The following COL28A1 variants were observed in gnomAD, a reference collection of about 807,000 sequenced individuals.
The protein encoded by COL28A1 is collagen alpha-1(XXVIII) chain.
A neutral mutation model predicts 150.2 loss-of-function variants in COL28A1; 161 were observed. That is an observed-to-expected ratio of 1.07 (90% CI 0.94 to 1.22). The LOEUF (loss-of-function observed/expected upper bound fraction) is 1.22. Among genes scored for constraint, COL28A1 ranks in the 50% most tolerant of loss-of-function variants. The pLI is 0.00. For synonymous variants in COL28A1, 552 were observed against 469.7 expected, an observed-to-expected ratio of 1.18 and a Z score of -2.26; for missense variants, 1,617 against 1,388.3, an observed-to-expected ratio of 1.16 and a Z score of -2.62.
intron 23 of COL28A1, 148 bp downstream of exon 23, chr7:7,436,247 G>GT (rs1331946737): frequency 1.4e-5 from 9 of 647,774 alleles, no homozygotes; most frequent in Non-Finnish European, 1.9e-5. Flanking sequence ...GTGATTGCTT[G>GT]TTTTTTTAAA....
chr7:7,523,199 C>T (rs1447303472), intron 4 of COL28A1, among the ~76,000 whole-genome samples: 2 of 148,732 alleles, frequency 1.3e-5, no homozygotes, highest in East Asian at 3.9e-4. Context: ...CTCACTCTGC[C>T]ACCAGGCTGG....
chr7:7,444,411 G>A lies in COL28A1; in HGVS notation c.1581+7C>T. Reference sequence around the variant, plus strand: ...CTACTCCAGTAATACGAAAAACTTGGTGTTACCTTCTTCCCTGCAGCTCCA... The same window carrying A: ...CTACTCCAGTAATACGAAAAACTTGATGTTACCTTCTTCCCTGCAGCTCCA... On this transcript the variant is annotated splice_region_variant and intron_variant, in intron 19 of 34. Transcript: ENST00000399429. The A allele has an allele frequency of 6.2e-7, 1 of 1,613,308 alleles. No homozygotes were observed. The highest frequency in any genetic ancestry group is 8.5e-7 in the Non-Finnish European group (1 of 1,179,646).
chr7:7,452,202 GC>G (rs1786747954), intron 18 of COL28A1, 116 bp downstream of exon 18: 1 of 1,435,680 alleles, frequency 7.0e-7, no homozygotes, highest in South Asian at 1.4e-5. Context: ...AGTAAAAGGA[GC>G]CCATTATGTA....
At chr7:7,348,940 C>G in the COL28A1 span, among the ~76,000 whole-genome samples, 1 of 151,970 alleles carries the variant, frequency 6.6e-6, no homozygotes, top group South Asian at 2.1e-4. Flanking sequence ...GAGATGGCAT[C>G]CCACTATGTT....
At chr7:7,448,932 AT>A (rs1287628393) in intron 18 of COL28A1, among the ~76,000 whole-genome samples, 3 of 152,124 alleles carry the variant, frequency 2.0e-5, no homozygotes, top group African/African-American at 7.2e-5. Flanking sequence ...TTAGCAGATA[AT>A]TGGAAAGCAG....
the COL28A1 span, among the ~76,000 whole-genome samples, chr7:7,343,248 T>C: frequency 0.021 from 3,141 of 152,110 alleles, 44 homozygotes; most frequent in Middle Eastern, 0.065. Context: ...TTGATATCTT[T>C]TATCAGTTCT....
chr7:7,436,552 A>C (rs1029547386), intron 22 of COL28A1, 89 bp from the exon 23 acceptor site: 3 of 811,794 alleles, frequency 3.7e-6, no homozygotes, highest in Non-Finnish European at 6.6e-6. Context: ...CCACTCTGTA[A>C]AGAGCTTAAT....
chr7:7,378,809 T>C (rs1368429856), intron 30 of COL28A1, among the ~76,000 whole-genome samples: 1 of 152,168 alleles, frequency 6.6e-6, no homozygotes, highest in Non-Finnish European at 1.5e-5. Flanking sequence ...GTCATGCAGA[T>C]TAAAGGTGGG....
At chr7:7,410,188 C>A (rs910514293) in intron 27 of COL28A1, among the ~76,000 whole-genome samples, 1 of 152,142 alleles carries the variant, frequency 6.6e-6, no homozygotes, top group Non-Finnish European at 1.5e-5. Context: ...ATGTGTACTA[C>A]CCTACAGAGA....
chr7:7,411,565 TG>T (rs1355927171), intron 27 of COL28A1, among the ~76,000 whole-genome samples: 2 of 152,156 alleles, frequency 1.3e-5, no homozygotes, highest in African/African-American at 4.8e-5. Context: ...GATCCTTTCC[TG>T]CTCATCTCTC....
At chr7:7,344,142 C>A in the COL28A1 span, among the ~76,000 whole-genome samples, 4 of 151,986 alleles carry the variant, frequency 2.6e-5, no homozygotes, top group Non-Finnish European at 5.9e-5. Context: ...ATTATTTAGT[C>A]TACTTGTATT....
chr7:7,375,461 C>T lies in COL28A1; in HGVS notation c.2359G>A (p.Gly787Ser). ...EIIKLITEIC[G>S]CGPKCKETPL... The stretch of plus-strand genomic sequence containing the variant: ...TGTTTTTTCCTTGATCAAATCTTAC[C>T]ACATATTTCTGTAATAAGTTTGATA... Residue 787 changes from glycine to serine, a missense_variant and splice_region_variant, in exon 31 of 35, where the codon GGT (glycine) becomes AGT (serine). Gly to Ser is a moderately conservative substitution (Grantham distance 56). Transcript: ENST00000399429. 6.4e-7 allele frequency: 1 copy of T among 1,573,576 alleles called. No homozygotes were observed. Among genetic ancestry groups the T allele is most frequent in the South Asian group, 1.1e-5 (1 of 87,482 alleles).
chr7:7,490,515 G>A, intron 12 of COL28A1, 63 bp downstream of exon 12: 3 of 777,422 alleles, frequency 3.9e-6, no homozygotes, highest in Non-Finnish European at 6.6e-6. Context: ...TCAAATCATG[G>A]CTCCCCCAGG....
chr7:7,385,414 T>A (rs973238814), intron 27 of COL28A1, among the ~76,000 whole-genome samples: 2 of 152,124 alleles, frequency 1.3e-5, no homozygotes, highest in African/African-American at 2.4e-5. Flanking sequence ...GACAGAACAG[T>A]GTGATAAACA....
intron 3 of COL28A1, 58 bp from the exon 4 acceptor site, chr7:7,524,307 T>C (rs1238236203): frequency 5.2e-5 from 48 of 930,714 alleles, no homozygotes; most frequent in Non-Finnish European, 7.7e-5. Context: ...CTCCAGCTAC[T>C]TATTAGTCAT....
chr7:7,497,713 A>G (rs183136468), intron 11 of COL28A1, among the ~76,000 whole-genome samples: 1,912 of 152,318 alleles, frequency 0.013, 21 homozygotes, highest in Middle Eastern at 0.034. Context: ...AAGCATCTCT[A>G]AAATAAAATA....
At chr7:7,387,926 G>A (rs970586564) in intron 27 of COL28A1, among the ~76,000 whole-genome samples, 1 of 152,134 alleles carries the variant, frequency 6.6e-6, no homozygotes, top group African/African-American at 2.4e-5. Context: ...TTCTCCCTAC[G>A]CAGAAACAGC....
At chr7:7,361,008 A>T (rs1368321955) in intron 33 of COL28A1, among the ~76,000 whole-genome samples, 1 of 152,188 alleles carries the variant, frequency 6.6e-6, no homozygotes. Flanking sequence ...GTCAATTTTG[A>T]GATTGGGAAT....
chr7:7,438,269 T>A (rs991902159), intron 21 of COL28A1, among the ~76,000 whole-genome samples: 1 of 152,098 alleles, frequency 6.6e-6, no homozygotes, highest in African/African-American at 2.4e-5. Flanking sequence ...AGAACCCCTA[T>A]GATTTTAAAA....
Sources: gnomAD v4.1 joint callset for allele counts (sites outside exome capture counted in the v4.1 genomes callset) on GRCh38, gnomAD v4.1.1 for gene constraint, MANE v1.5 for transcripts, NCBI Gene and HGNC (gene_info 2026-07-23, HGNC 2026-07-21) for gene names.